Variants in LIN28B observed in about 807,000 individuals in gnomAD.
LIN28B encodes the protein protein lin-28 homolog B.
A neutral mutation model predicts 21.9 loss-of-function variants in LIN28B; 5 were observed. The ratio of observed to expected loss-of-function variants is 0.23; its 90% CI spans 0.12 to 0.48. The LOEUF is 0.48. Ranked by LOEUF, LIN28B falls within the 20% of genes least tolerant of loss-of-function variation. The probability of loss-of-function intolerance (pLI) is 0.98; values close to 1 mark genes in which losing one functional copy is unlikely to be tolerated. For synonymous variants in LIN28B, 109 were observed against 111.3 expected (o/e 0.98, Z 0.13); for missense variants, 245 against 310.5 (o/e 0.79, Z 1.58).
chr6:105,070,592 CCACACACACACACACACACACACACACA>C (rs752057191), intron 3 of LIN28B, among the ~76,000 whole-genome samples: 2 of 92,228 alleles, frequency 2.2e-5, no homozygotes, highest in Non-Finnish European at 4.2e-5. Flanking sequence ...ATCAATAAAA[CCACACACACACACACACACACACACACA>C]CACACACACA....
intron 2 of LIN28B, chr6:104,941,099 G>C (rs1778082519): frequency 1.3e-5 from 2 of 152,212 alleles, no homozygotes; most frequent in African/African-American, 4.8e-5. Context: ...CCCGAGTCTG[G>C]CACGTGAGCA....
chr6:104,991,489 C>G (rs1267868718), intron 2 of LIN28B, among the ~76,000 whole-genome samples: 1 of 148,642 alleles, frequency 6.7e-6, no homozygotes, highest in Non-Finnish European at 1.5e-5. Context: ...ACTTCCTAGA[C>G]GGGATGGCGG....
chr6:105,060,156 G>T (rs1281730123), intron 3 of LIN28B, among the ~76,000 whole-genome samples: 1 of 152,164 alleles, frequency 6.6e-6, no homozygotes, highest in Non-Finnish European at 1.5e-5. Context: ...GCCTGCCTTG[G>T]CCTCCCAAAG....
At chr6:104,970,085 T>C (rs1323892438) in intron 2 of LIN28B, among the ~76,000 whole-genome samples, 1 of 152,150 alleles carries the variant, frequency 6.6e-6, no homozygotes, top group East Asian at 1.9e-4. Flanking sequence ...GGAATCACAG[T>C]TAGGTGATTT....
chr6:105,034,594 T>G (rs997040009), intron 3 of LIN28B, among the ~76,000 whole-genome samples: 14 of 152,082 alleles, frequency 9.2e-5, no homozygotes, highest in Admixed American at 7.9e-4. Flanking sequence ...GATTGTGAAA[T>G]TTAACATTCC....
chr6:105,043,629 C>G (rs1771688283), intron 3 of LIN28B, among the ~76,000 whole-genome samples: 1 of 150,998 alleles, frequency 6.6e-6, no homozygotes, highest in African/African-American at 2.4e-5. Context: ...CTCACCCAAG[C>G]TGGAGTGCAG....
At chr6:105,021,298 G>A (rs1218871219) in intron 2 of LIN28B, among the ~76,000 whole-genome samples, 1 of 152,014 alleles carries the variant, frequency 6.6e-6, no homozygotes, top group African/African-American at 2.4e-5. Flanking sequence ...TTGATTCCAT[G>A]TCTGCTATTG....
chr6:104,988,569 ATT>A (rs369912825), intron 2 of LIN28B, among the ~76,000 whole-genome samples: 2 of 127,134 alleles, frequency 1.6e-5, no homozygotes, highest in Non-Finnish European at 3.2e-5. Flanking sequence ...GACTACCTAG[ATT>A]TTTTTTTTTT....
intron 2 of LIN28B, among the ~76,000 whole-genome samples, chr6:105,008,181 A>C (rs547460496): frequency 1.3e-5 from 2 of 152,334 alleles, no homozygotes; most frequent in South Asian, 4.1e-4. Context: ...AAGCAATAAA[A>C]TGCTTTCCAA....
chr6:105,079,967 C>G lies in LIN28B; in HGVS notation c.*1184C>G, dbSNP rs2114429952. 1 of 152,266 alleles carries G rather than the reference C, an allele frequency of 6.6e-6. No homozygotes were observed. The highest frequency in any genetic ancestry group is 2.1e-4 in the South Asian group (1 of 4,826). 9.4% of individuals were successfully genotyped at this position (152,266 alleles called of 1,614,324 possible). A position where few individuals can be genotyped will look rare whatever the true frequency, so the allele number is the denominator to read the frequency against. On this transcript the variant is annotated 3_prime_UTR_variant, in exon 4 of 4. Transcript: ENST00000345080. Reference sequence around the variant, plus strand: ...AAGTGCAGCATTTAGTGGCAGTTAACAAGAGTGACAAGCCTGGGGCAGAGG... The same window carrying G: ...AAGTGCAGCATTTAGTGGCAGTTAAGAAGAGTGACAAGCCTGGGGCAGAGG...
intron 3 of LIN28B, among the ~76,000 whole-genome samples, chr6:105,074,434 G>T (rs1030364422): frequency 1.3e-5 from 2 of 152,058 alleles, no homozygotes; most frequent in Non-Finnish European, 2.9e-5. Flanking sequence ...TCCTGACCTC[G>T]TGATCTGCCC....
At chr6:105,042,269 A>T (rs160601) in intron 3 of LIN28B, among the ~76,000 whole-genome samples, 36,732 of 152,070 alleles carry the variant, frequency 0.24, 4,945 homozygotes, top group African/African-American at 0.35. Context: ...GCACTGGATT[A>T]CAGAGTAGCC....
At chr6:105,024,447 G>A (rs887616416) in intron 2 of LIN28B, among the ~76,000 whole-genome samples, 5 of 152,170 alleles carry the variant, frequency 3.3e-5, no homozygotes, top group Admixed American at 2.6e-4. Context: ...AGTGGAGAGG[G>A]AGAAAGGAAA....
chr6:105,037,032 A>G (rs972260581), intron 3 of LIN28B, among the ~76,000 whole-genome samples: 2 of 152,224 alleles, frequency 1.3e-5, no homozygotes, highest in African/African-American at 4.8e-5. Flanking sequence ...CGTCACTTAA[A>G]TTTTAAAAAT....
chr6:104,957,376 G>T (rs1778306176), intron 1 of LIN28B, 116 bp downstream of exon 1: 1 of 614,176 alleles, frequency 1.6e-6, no homozygotes, highest in Non-Finnish European at 2.7e-6. Flanking sequence ...CCAATACTGG[G>T]CATTACCTCC....
chr6:104,956,917 A>G (rs1778298300), upstream of LIN28B: 1 of 410,172 alleles, frequency 2.4e-6, no homozygotes, highest in Non-Finnish European at 4.2e-6. Flanking sequence ...CTTTAAGATA[A>G]CATGTTTGAG....
chr6:105,072,722 ATTGT>A (rs1205077570), intron 3 of LIN28B, among the ~76,000 whole-genome samples: 1 of 152,222 alleles, frequency 6.6e-6, no homozygotes, highest in Non-Finnish European at 1.5e-5. Flanking sequence ...TAAAATTGTT[ATTGT>A]TTAACTGGCT....
chr6:105,043,057 C>T (rs904578808), intron 3 of LIN28B, among the ~76,000 whole-genome samples: 1 of 152,072 alleles, frequency 6.6e-6, no homozygotes, highest in Non-Finnish European at 1.5e-5. Context: ...GAATATATTC[C>T]ATTTGCCAAA....
chr6:105,076,893 C>T (rs1286729443), intron 3 of LIN28B, among the ~76,000 whole-genome samples: 1 of 151,714 alleles, frequency 6.6e-6, no homozygotes, highest in Admixed American at 6.6e-5. Context: ...CGTGAGCCAC[C>T]GCCACCCAGC....
Sources: gnomAD v4.1 joint callset for allele counts (sites outside exome capture counted in the v4.1 genomes callset) on GRCh38, gnomAD v4.1.1 for gene constraint, MANE v1.5 for transcripts, NCBI Gene and HGNC (gene_info 2026-07-23, HGNC 2026-07-21) for gene names.